Variants in SLC7A13 observed in about 807,000 individuals in gnomAD.
SLC7A13 encodes the protein X-amino acid transporter 2.
Under a neutral mutation model 32.0 loss-of-function variants are expected in SLC7A13, and 31 were observed. The ratio of observed to expected loss-of-function variants is 0.97; its 90% CI spans 0.73 to 1.31. SLC7A13 has a LOEUF of 1.31. Ranked by LOEUF, SLC7A13 falls within the 50% of genes most tolerant of loss-of-function variation. SLC7A13 has a pLI of 0.00. For missense variants in SLC7A13, 633 were observed against 546.9 expected (o/e 1.16, Z -1.57); for synonymous variants, 232 against 206.9 (o/e 1.12, Z -1.04).
chr8:86,218,930 G>A (rs1820241508), intron 2 of SLC7A13, among the ~76,000 whole-genome samples: 1 of 152,028 alleles, frequency 6.6e-6, no homozygotes, highest in East Asian at 1.9e-4. Context: ...GTTTCCAGGG[G>A]TACTTTTGGG....
In SLC7A13 at chr8:86,227,081, C is replaced by G. The variant is rs115037146; in HGVS notation, c.685+2512G>C. Among the ~76,000 whole-genome samples the G allele has an allele frequency of 1.1e-3, 162 of 152,230 alleles. 1 individual carries two copies. Among genetic ancestry groups the G allele is most frequent in the African/African-American group, 3.7e-3 (153 of 41,540 alleles). ...ACTTGCTATAGTTGGTAATGGCAGACCCAAATCTAGGTATTGCCTCTTCTA... is the reference window on the plus strand; with the variant it reads ...ACTTGCTATAGTTGGTAATGGCAGAGCCAAATCTAGGTATTGCCTCTTCTA... On this transcript the variant is annotated intron_variant, in intron 1 of 3. Transcript: ENST00000297524.
chr8:86,219,887 A>T (rs1403396891), intron 2 of SLC7A13, among the ~76,000 whole-genome samples: 1 of 152,146 alleles, frequency 6.6e-6, no homozygotes. Context: ...TCCTTAGAGT[A>T]AATTCTTAGA....
chr8:86,217,423 C>T (rs947170123), intron 3 of SLC7A13, 47 bp downstream of exon 3: 2 of 1,432,418 alleles, frequency 1.4e-6, no homozygotes, highest in Non-Finnish European at 1.9e-6. Flanking sequence ...CAGTTATACT[C>T]AATATCTGTT....
At chr8:86,229,176 A>C (rs539516334) in intron 1 of SLC7A13, among the ~76,000 whole-genome samples, 1 of 152,344 alleles carries the variant, frequency 6.6e-6, no homozygotes, top group Non-Finnish European at 1.5e-5. Flanking sequence ...TAACTCCAAA[A>C]GTAAGTAAAT....
intron 1 of SLC7A13, among the ~76,000 whole-genome samples, chr8:86,225,223 AGGG>A (rs1301867307): frequency 6.6e-6 from 1 of 152,160 alleles, no homozygotes; most frequent in Non-Finnish European, 1.5e-5. Flanking sequence ...GTGTCTGCCC[AGGG>A]GTTGGATCTA....
Position 86,229,554 on chromosome 8 carries a change from A to T in SLC7A13, c.685+39T>A, listed in dbSNP as rs749422679. 5 of 1,494,234 alleles carry T rather than the reference A, an allele frequency of 3.3e-6. 1 individual carries two copies. In the South Asian group the frequency reaches 6.2e-5, roughly 18 times the overall value. The allele number at this position is 1,494,234 out of a possible 1,614,324, so 92.6% of individuals were successfully genotyped here. Reference sequence around the variant, plus strand: ...TATGCATTTCATATTGTATGCAATAAGTCATGATTTTAGATTTTTTTCCTC... The same window carrying T: ...TATGCATTTCATATTGTATGCAATATGTCATGATTTTAGATTTTTTTCCTC... On this transcript the variant is annotated intron_variant, in intron 1 of 3. Coordinates refer to ENST00000297524, the MANE Select transcript of SLC7A13 (RefSeq NM_138817.3).
At position 86,214,498 on chromosome 8, in the gene SLC7A13, T is replaced by C. The variant is rs748563068; in HGVS notation, c.1328A>G (p.Lys443Arg). 3 of 1,612,610 alleles carry C rather than the reference T, an allele frequency of 1.9e-6. No individual in the cohort carries two copies. Among genetic ancestry groups the C allele is most frequent in the Non-Finnish European group, 2.5e-6 (3 of 1,179,200 alleles). The part of the protein sequence containing the change: ...LLFYIPLIHF[K>R]IRLAWFEKMT... ...CTTCTCAAACCAAGCCAATCTTATT[T>C]TAAAATGTATTAAAGGTATGTAAAA... The change falls in exon 4 of 4, where the codon AAA becomes AGA. Residue 443 changes from lysine to arginine, a missense_variant. Coordinates refer to ENST00000297524, the MANE Select transcript of SLC7A13 (RefSeq NM_138817.3).
At chr8:86,216,433 C>T (rs185532333) in intron 3 of SLC7A13, among the ~76,000 whole-genome samples, 1 of 152,270 alleles carries the variant, frequency 6.6e-6, no homozygotes, top group East Asian at 1.9e-4. Flanking sequence ...TGCCTAAAAG[C>T]AGGAGCCAAG....
intron 3 of SLC7A13, among the ~76,000 whole-genome samples, chr8:86,215,375 G>C (rs1820162606): frequency 6.6e-6 from 1 of 152,120 alleles, no homozygotes. Context: ...AGGATCATTT[G>C]TTGGGATTTA....
chr8:86,223,718 A>G (rs534976271), intron 1 of SLC7A13, among the ~76,000 whole-genome samples: 5 of 151,826 alleles, frequency 3.3e-5, no homozygotes, highest in Non-Finnish European at 5.9e-5. Flanking sequence ...TCCCACCAAC[A>G]TTGCTCCATG....
rs1820209333 is a variant in SLC7A13, at chr8:86,217,585, C to T, written c.1064G>A (p.Ser355Asn). The change falls in exon 3 of 4, where the codon AGT (serine) becomes AAT (asparagine). Residue 355 changes from serine (S) to asparagine (N), a missense_variant. Ser to Asn is a conservative substitution (Grantham distance 46). Coordinates refer to ENST00000297524, the MANE Select transcript of SLC7A13 (RefSeq NM_138817.3). The stretch of plus-strand genomic sequence containing the variant: ...AATATAGTTTATCAAATCAATTAGA[C>T]TTGTTAAGATAATTGCAAGGGATCC... ...TLGSLAIILT[S>N]LIDLINYIFF... 1 of 1,613,024 alleles carries T rather than the reference C, an allele frequency of 6.2e-7. No individual in the cohort carries two copies. Among genetic ancestry groups the T allele is most frequent in the African/African-American group, 1.3e-5 (1 of 74,784 alleles).
intron 3 of SLC7A13, 73 bp downstream of exon 3, chr8:86,217,397 A>T: frequency 7.7e-7 from 1 of 1,304,136 alleles, no homozygotes; most frequent in Non-Finnish European, 1.0e-6. Flanking sequence ...AGATGCTCTG[A>T]TTATAATCTT....
intron 1 of SLC7A13, among the ~76,000 whole-genome samples, chr8:86,225,453 T>G (rs772871995): frequency 4.3e-4 from 66 of 152,134 alleles, no homozygotes; most frequent in Admixed American, 7.9e-4. Flanking sequence ...TATTAAAGCT[T>G]TGGGACAAAC....
At chr8:86,224,819 T>C (rs1302511343) in intron 1 of SLC7A13, among the ~76,000 whole-genome samples, 1 of 152,148 alleles carries the variant, frequency 6.6e-6, no homozygotes. Context: ...AGCAACGTAA[T>C]GGTGTTAAAA....
chr8:86,229,144 A>C (rs893709317), intron 1 of SLC7A13, among the ~76,000 whole-genome samples: 2 of 149,062 alleles, frequency 1.3e-5, no homozygotes, highest in African/African-American at 4.9e-5. Flanking sequence ...GAAAGGAAAA[A>C]ATTATAATAA....
intron 1 of SLC7A13, among the ~76,000 whole-genome samples, chr8:86,227,258 A>C (rs1820402652): frequency 6.6e-6 from 1 of 152,210 alleles, no homozygotes; most frequent in African/African-American, 2.4e-5. Context: ...GAGATTAGAA[A>C]AAGTTTTGTT....
intron 1 of SLC7A13, among the ~76,000 whole-genome samples, chr8:86,225,766 C>T (rs919760225): frequency 6.6e-6 from 1 of 151,910 alleles, no homozygotes; most frequent in African/African-American, 2.4e-5. Flanking sequence ...TACTAAAAAT[C>T]CACACACAAA....
At chr8:86,219,559 T>C (rs1820252556) in intron 2 of SLC7A13, among the ~76,000 whole-genome samples, 1 of 152,296 alleles carries the variant, frequency 6.6e-6, no homozygotes, top group African/African-American at 2.4e-5. Flanking sequence ...GCAATGTAAC[T>C]ACCATTAACA....
chr8:86,223,072 G>T lies in SLC7A13; in HGVS notation c.717C>A (p.Pro239=). 3.1e-6 allele frequency: 5 copies of T among 1,604,236 alleles called. No individual in the cohort carries two copies. The highest frequency in any genetic ancestry group is 4.3e-6 in the Non-Finnish European group (5 of 1,175,332). ...GELKKPRTTI[P]KCIFTALPLV... The stretch of plus-strand genomic sequence containing the variant: ...GAGGTAACGCAGTAAATATGCATTT[G>T]GGAATTGTTGTTCTGGGCTTCTTCA... The change falls in exon 2 of 4, where the codon CCC becomes CCA. Residue 239 remains proline (P), a synonymous_variant. Coordinates refer to ENST00000297524, the MANE Select transcript of SLC7A13 (RefSeq NM_138817.3).
Sources: allele counts gnomAD v4.1 joint callset (sites outside exome capture counted in the v4.1 genomes callset), GRCh38; gene constraint gnomAD v4.1.1; transcripts MANE v1.5; gene names NCBI Gene and HGNC (gene_info 2026-07-23, HGNC 2026-07-21).